RICTOR: variants seen among roughly 807,000 people sequenced by gnomAD.
The protein encoded by RICTOR is RPTOR independent companion of MTOR complex 2.
In RICTOR, 49 loss-of-function variants were observed where a neutral mutation model predicts 214.9. The observed-to-expected ratio is 0.23, with a 90% confidence interval of 0.18 to 0.29. RICTOR has a LOEUF of 0.29. Ranked by LOEUF, RICTOR falls within the 10% of genes least tolerant of loss-of-function variation. The pLI is 1.00. For missense variants in RICTOR, 1,625 were observed against 2,047.0 expected, an observed-to-expected ratio of 0.79 and a Z score of 3.98; for synonymous variants, 717 against 711.3, an observed-to-expected ratio of 1.01 and a Z score of -0.13.
chr5:39,041,591 G>A (rs1279134445), intron 2 of RICTOR, among the ~76,000 whole-genome samples: 1 of 151,962 alleles, frequency 6.6e-6, no homozygotes, highest in Non-Finnish European at 1.5e-5. Context: ...GCTTAGAGAT[G>A]GAAAAAAGAT....
At chr5:39,071,744 T>C (rs1460298806) in intron 2 of RICTOR, among the ~76,000 whole-genome samples, 1 of 152,206 alleles carries the variant, frequency 6.6e-6, no homozygotes, top group African/African-American at 2.4e-5. Context: ...AATGACCATG[T>C]CCTCTATTTT....
chr5:39,003,535 A>AG (rs759981122), intron 4 of RICTOR, 23 bp downstream of exon 4: 4 of 1,495,678 alleles, frequency 2.7e-6, no homozygotes, highest in Non-Finnish European at 3.7e-6. Context: ...AAGGGATGGG[A>AG]GGGGGGAATG....
intron 15 of RICTOR, among the ~76,000 whole-genome samples, 195 bp downstream of exon 15, chr5:38,966,446 T>C (rs1465078321): frequency 1.3e-5 from 2 of 152,264 alleles, no homozygotes; most frequent in Middle Eastern, 6.3e-3. Flanking sequence ...AATATGCATG[T>C]GCATGCGCAT....
Position 38,963,074 on chromosome 5 carries a change from G to C in RICTOR, c.1401-33C>G, listed in dbSNP as rs943434749. On this transcript the variant is annotated intron_variant, in intron 16 of 37. Transcript: ENST00000357387. ...GAAAAACAATTCAATCAATACAGTA[G>C]CAAGACCAATATAATTTAAGAGATT... The C allele has an allele frequency of 4.0e-6, 6 of 1,503,964 alleles. No homozygotes were observed. The South Asian group carries it at 5.2e-5, about 13-fold the overall frequency. The allele number at this position is 1,503,964 out of a possible 1,614,324, so 93.2% of individuals were successfully genotyped here.
chr5:38,966,652 G>C lies in RICTOR; in HGVS notation c.1288C>G (p.Leu430Val), dbSNP rs778237123. The change falls in exon 15 of 38, where the codon CTT becomes GTT. Residue 430 changes from leucine to valine, a missense_variant. By Grantham distance (32) the Leu-to-Val change is conservative. This residue lies in a region of RICTOR where 1,214 missense variants were observed against 1,470.5 expected (regional missense o/e 0.83). Transcript: ENST00000357387. ...SVRATILLGE[L>V]LHMANTILPH... ...GTTGCTAAACTTACCATATGTAAAA[G>C]CTCTCCTAAAAGGATGGTAGCTCTA... The C allele has an allele frequency of 1.0e-5, 16 of 1,540,956 alleles. 1 individual carries two copies.
chr5:39,040,305 C>T (rs1270757079), intron 2 of RICTOR, among the ~76,000 whole-genome samples: 1 of 110,022 alleles, frequency 9.1e-6, no homozygotes, highest in African/African-American at 3.7e-5. Flanking sequence ...CATCACACAC[C>T]GGGGCCTGTT....
intron 2 of RICTOR, among the ~76,000 whole-genome samples, chr5:39,030,985 T>C (rs895655021): frequency 1.3e-5 from 2 of 152,140 alleles, no homozygotes; most frequent in Non-Finnish European, 2.9e-5. Flanking sequence ...GTGATATGCA[T>C]ATAACGGCTA....
At chr5:38,954,650 G>A in intron 27 of RICTOR, 124 bp downstream of exon 27, 1 of 611,750 alleles carries the variant, frequency 1.6e-6, no homozygotes, top group South Asian at 1.9e-5. Context: ...GAATTTAAAA[G>A]CAATTACACC....
At chr5:38,945,793 G>T in intron 33 of RICTOR, 69 bp from the exon 34 acceptor site, 1 of 772,452 alleles carries the variant, frequency 1.3e-6, no homozygotes. Context: ...TAAATTATGT[G>T]AAATTTTAAA....
chr5:39,025,513 T>A (rs756448976), intron 2 of RICTOR, among the ~76,000 whole-genome samples: 4 of 152,208 alleles, frequency 2.6e-5, no homozygotes, highest in Admixed American at 6.5e-5. Flanking sequence ...GTGTATTAAG[T>A]CAGTTCAGTA....
intron 26 of RICTOR, 34 bp from the exon 27 acceptor site, chr5:38,954,895 G>A: frequency 9.6e-7 from 1 of 1,040,418 alleles, no homozygotes; most frequent in Non-Finnish European, 1.5e-6. Context: ...ATATCTCTTG[G>A]CTAATTTAAA....
At chr5:39,059,976 C>A (rs181623624) in intron 2 of RICTOR, among the ~76,000 whole-genome samples, 40 of 152,184 alleles carry the variant, frequency 2.6e-4, no homozygotes, top group Admixed American at 9.8e-4. Context: ...GATCAAGATT[C>A]AAATCTAGAT....
chr5:38,950,820 T>A (rs975473951), intron 30 of RICTOR, 100 bp from the exon 31 acceptor site: 1 of 977,470 alleles, frequency 1.0e-6, no homozygotes, highest in Non-Finnish European at 1.5e-6. Context: ...TTTAGTCATC[T>A]AGAGGAAAAA....
intron 10 of RICTOR, among the ~76,000 whole-genome samples, chr5:38,975,034 TAAC>T (rs1025949050): frequency 8.5e-5 from 13 of 152,228 alleles, no homozygotes; most frequent in African/African-American, 2.2e-4. Flanking sequence ...CCAATGTTAT[TAAC>T]AACACATTTA....
chr5:38,954,354 C>G (rs1749054177), intron 27 of RICTOR, among the ~76,000 whole-genome samples: 1 of 152,018 alleles, frequency 6.6e-6, no homozygotes, highest in African/African-American at 2.4e-5. Flanking sequence ...TGCTCACAAC[C>G]AGCAACTTTC....
At chr5:38,999,655 T>C (rs1226612400) in intron 5 of RICTOR, among the ~76,000 whole-genome samples, 3 of 151,928 alleles carry the variant, frequency 2.0e-5, no homozygotes, top group Admixed American at 2.0e-4. Context: ...AGAACATATG[T>C]GACAAATAGA....
At position 39,038,205 on chromosome 5, in the gene RICTOR, C is replaced by T. The variant is rs546369208; in HGVS notation, c.98-17069G>A. ...AACGTAATCCAGCATATAAACAGAA[C>T]CAAAGACAAAAACCACATGATTATC... On this transcript the variant is annotated intron_variant, in intron 2 of 37. Transcript: ENST00000357387. Among the ~76,000 whole-genome samples the T allele has an allele frequency of 3.0e-4, 45 of 152,160 alleles. No individual in the cohort carries two copies. In the South Asian group the frequency reaches 8.3e-3, roughly 28 times the overall value.
chr5:38,966,768 G>T, intron 14 of RICTOR, 47 bp from the exon 15 acceptor site: 6 of 998,928 alleles, frequency 6.0e-6, no homozygotes, highest in South Asian at 2.9e-5. Flanking sequence ...TAATACATAT[G>T]AAAACATTTA....
At chr5:39,011,441 AC>A (rs1377719115) in intron 3 of RICTOR, among the ~76,000 whole-genome samples, 13 of 152,146 alleles carry the variant, frequency 8.5e-5, no homozygotes, top group Admixed American at 8.5e-4. Flanking sequence ...CAAAGTCCCC[AC>A]TGGGTACTGC....
Sources: gnomAD v4.1 joint callset for allele counts (sites outside exome capture counted in the v4.1 genomes callset) on GRCh38, gnomAD v4.1.1 for gene constraint, gnomAD v4.1.1 regional missense constraint, MANE v1.5 for transcripts, NCBI Gene and HGNC (gene_info 2026-07-23, HGNC 2026-07-21) for gene names.